The following CAPN8 variants were observed in gnomAD, a reference collection of about 807,000 sequenced individuals.
The protein encoded by CAPN8 is calpain-8.
In CAPN8, 87 loss-of-function variants were observed where a neutral mutation model predicts 80.9. The ratio of observed to expected loss-of-function variants is 1.07; its 90% CI spans 0.90 to 1.28. The LOEUF (loss-of-function observed/expected upper bound fraction) is 1.28. Ranked by LOEUF, CAPN8 falls within the 50% of genes most tolerant of loss-of-function variation. CAPN8 has a pLI of 0.00. For synonymous variants in CAPN8, 299 were observed against 273.8 expected (o/e 1.09, Z -0.91); for missense variants, 757 against 702.0 (o/e 1.08, Z -0.89).
intron 9 of CAPN8, chr1:223,618,285 C>A: frequency 6.4e-7 from 1 of 1,550,584 alleles, no homozygotes; most frequent in South Asian, 1.2e-5. Flanking sequence ...GAGGAGCCTA[C>A]ACAGGGACAC....
chr1:223,549,210 CCTTCT>C, intron 16 of CAPN8, 103 bp downstream of exon 16: 2 of 1,406,656 alleles, frequency 1.4e-6, no homozygotes, highest in Non-Finnish European at 1.9e-6. Context: ...TGCTCTCTCC[CCTTCT>C]CATTTTTTAC....
chr1:223,613,345 G>T (rs1259811807), intron 10 of CAPN8, among the ~76,000 whole-genome samples: 1 of 152,192 alleles, frequency 6.6e-6, no homozygotes, highest in Non-Finnish European at 1.5e-5. Flanking sequence ...CCATGCAGAG[G>T]CCTCACAAGT....
At chr1:223,660,313 G>A (rs1658611595) in intron 1 of CAPN8, among the ~76,000 whole-genome samples, 2 of 152,128 alleles carry the variant, frequency 1.3e-5, no homozygotes, top group African/African-American at 2.4e-5. Context: ...TCAAACCACA[G>A]GACCTGGGCT....
intron 2 of CAPN8, chr1:223,644,002 T>C (rs74852599): frequency 0.017 from 3,210 of 185,236 alleles, 107 homozygotes; most frequent in African/African-American, 0.072. Context: ...CATCTTGTAA[T>C]AACATAAGGG....
intron 7 of CAPN8, among the ~76,000 whole-genome samples, chr1:223,622,255 C>T (rs944552987): frequency 2.6e-5 from 4 of 152,208 alleles, no homozygotes; most frequent in African/African-American, 9.6e-5. Context: ...ACATCACCAC[C>T]TCTGACTGAC....
chr1:223,619,226 C>G, intron 9 of CAPN8, 67 bp downstream of exon 9: 1 of 1,520,286 alleles, frequency 6.6e-7, no homozygotes. Context: ...CAAAAAATTA[C>G]ATAAAATGAC....
intron 12 of CAPN8, among the ~76,000 whole-genome samples, 193 bp from the exon 13 acceptor site, chr1:223,558,360 A>C (rs1164383410): frequency 2.6e-5 from 4 of 151,924 alleles, no homozygotes; most frequent in Non-Finnish European, 4.4e-5. Context: ...CCTCCACCCC[A>C]CCCTGAGTTT....
rs776875184 is a variant in CAPN8 at position 223,619,418 on chromosome 1, C to A, written c.1010G>T (p.Arg337Leu). 35 of 1,551,654 alleles carry A rather than the reference C, an allele frequency of 2.3e-5. No homozygotes were observed. The highest frequency in any genetic ancestry group is 2.9e-5 in the Non-Finnish European group (33 of 1,147,000). ...CGGGGACAGGTTGCAGATCTCCAAC[C>A]GAGAGAACTGCCTCACGAAATCTGA... is the stretch of plus-strand genomic sequence containing the variant. ...SLSDFVRQFS[R>L]LEICNLSPDS... The change falls in exon 9 of 21, where the codon CGG becomes CTG. Residue 337 changes from arginine to leucine, a missense_variant. Transcript: ENST00000366872.
intron 18 of CAPN8, 106 bp from the exon 19 acceptor site, chr1:223,544,289 A>G: frequency 1.5e-6 from 1 of 652,370 alleles, no homozygotes; most frequent in South Asian, 1.7e-5. Flanking sequence ...GTGGTTCTGT[A>G]TCAATCTGCA....
At chr1:223,628,202 C>T (rs1396723779) in intron 3 of CAPN8, 60 bp from the exon 4 acceptor site, 1 of 1,480,334 alleles carries the variant, frequency 6.8e-7, no homozygotes, top group Non-Finnish European at 9.0e-7. Flanking sequence ...AAGGGAGTCC[C>T]TCCAGGGGAC....
At chr1:223,641,443 C>G (rs1658037231) in intron 2 of CAPN8, among the ~76,000 whole-genome samples, 1 of 151,720 alleles carries the variant, frequency 6.6e-6, no homozygotes, top group Non-Finnish European at 1.5e-5. Context: ...TACCAGTTAT[C>G]TGCAAATAAT....
chr1:223,549,318 A>G lies in CAPN8; in HGVS notation c.1764T>C (p.Asp588=), dbSNP rs1265282393. The change falls in exon 16 of 21, where the codon GAT becomes GAC. Residue 588 remains aspartate, a splice_region_variant and synonymous_variant. Transcript: ENST00000366872. The stretch of plus-strand genomic sequence containing the variant: ...AAATAATGCAACATTTAAAGGATAC[A>G]TCCAACAGACTGATCATTTCCCTGC... ...NTCREMISLL[D]SNGTGTLGAV... The G allele has an allele frequency of 6.4e-6, 10 of 1,551,726 alleles. No homozygotes were observed. In the South Asian group the frequency reaches 9.5e-5, roughly 15 times the overall value.
chr1:223,543,168 T>G lies in CAPN8; in HGVS notation c.2030-2A>C. 2 of 1,551,596 alleles carry G rather than the reference T, an allele frequency of 1.3e-6. No individual in the cohort carries two copies. Among genetic ancestry groups the G allele is most frequent in the Middle Eastern group, 1.7e-4 (1 of 5,992 alleles). Reference sequence around the variant, plus strand: ...CTTCGTCCAGAAGGCTGAATAGTTCTAAAACACCAGAGAAGGAAATGAAAT... The same window carrying G: ...CTTCGTCCAGAAGGCTGAATAGTTCGAAAACACCAGAGAAGGAAATGAAAT... On this transcript the variant is annotated splice_acceptor_variant, in intron 19 of 20. Transcript: ENST00000366872. LOFTEE classifies it high-confidence loss of function.
intron 20 of CAPN8, among the ~76,000 whole-genome samples, chr1:223,542,111 T>C (rs928163884): frequency 3.3e-5 from 5 of 152,044 alleles, no homozygotes; most frequent in Admixed American, 1.3e-4. Context: ...TGCATGTATA[T>C]TCATACACAC....
In CAPN8 at chr1:223,663,070, G is replaced by A. The variant is rs12034086; in HGVS notation, c.237+2340C>T. Among the ~76,000 whole-genome samples, 1,470 of 152,278 alleles carry A rather than the reference G, an allele frequency of 9.7e-3. 102 individuals carry two copies. In the East Asian group the frequency reaches 0.16, roughly 17 times the overall value. The stretch of plus-strand genomic sequence containing the variant: ...AACACGCACTTGAAAACTCCAAATA[G>A]GAGTCCTTCAATTGCACCTTCCGCA... On this transcript the variant is annotated intron_variant, in intron 1 of 20. Transcript: ENST00000366872.
intron 2 of CAPN8, among the ~76,000 whole-genome samples, chr1:223,632,366 A>T (rs1657796168): frequency 7.8e-6 from 1 of 127,506 alleles, no homozygotes; most frequent in South Asian, 2.2e-4. Flanking sequence ...CTTGGAGCAT[A>T]GGTTTTGTTT....
chr1:223,544,147 G>C lies in CAPN8; in HGVS notation c.1949C>G (p.Ala650Gly), dbSNP rs1400881626. The change falls in exon 19 of 21, where the codon GCC becomes GGC. Residue 650 changes from alanine to glycine, a missense_variant. By Grantham distance (60) the Ala-to-Gly change is moderately conservative. Coordinates refer to ENST00000366872, the MANE Select transcript of CAPN8 (RefSeq NM_001143962.2). ...AAGCTTGCTGCACGCATACCGCAGG[G>C]CAATGGTCTGCTGCACCTGGCTGTT... Reference protein sequence around the residue: ...TLNSQVQQTIALRYACSKLGI... With the variant: ...TLNSQVQQTIGLRYACSKLGI... 8 of 718,292 alleles carry C rather than the reference G, an allele frequency of 1.1e-5. No homozygotes were observed. The Admixed American group carries it at 1.6e-4, about 14-fold the overall frequency. 44.5% of individuals were successfully genotyped at this position (718,292 alleles called of 1,614,324 possible). A position where few individuals can be genotyped will look rare whatever the true frequency, so the allele number is the denominator to read the frequency against.
chr1:223,558,297 A>G, intron 12 of CAPN8, 130 bp from the exon 13 acceptor site: 1 of 393,860 alleles, frequency 2.5e-6, no homozygotes, highest in Non-Finnish European at 4.5e-6. Flanking sequence ...TTTCCTACTA[A>G]AAACTGCATA....
intron 1 of CAPN8, among the ~76,000 whole-genome samples, chr1:223,663,934 T>C (rs1250750479): frequency 2.6e-5 from 4 of 152,234 alleles, no homozygotes; most frequent in African/African-American, 7.2e-5. Context: ...ATAGGAACCC[T>C]GACTTAATTT....
Sources: allele counts gnomAD v4.1 joint callset (sites outside exome capture counted in the v4.1 genomes callset), GRCh38; gene constraint gnomAD v4.1.1; transcripts MANE v1.5; gene names NCBI Gene and HGNC (gene_info 2026-07-23, HGNC 2026-07-21).